Variants in ST8SIA6 observed in about 807,000 individuals in gnomAD.
ST8SIA6 encodes ST8 alpha-N-acetyl-neuraminide alpha-2,8-sialyltransferase 6.
In ST8SIA6, 39 loss-of-function variants were observed where a neutral mutation model predicts 33.6. That is an observed-to-expected ratio of 1.16 (90% CI 0.90 to 1.52). The LOEUF (loss-of-function observed/expected upper bound fraction) is 1.52, where lower values mean the gene tolerates loss of function less well. ST8SIA6 is among the 40% of genes most tolerant of loss of function. ST8SIA6 has a pLI of 0.00. For synonymous variants in ST8SIA6, 172 were observed against 167.2 expected (o/e 1.03, Z -0.22); for missense variants, 441 against 443.8 (o/e 0.99, Z 0.06).
intron 2 of ST8SIA6, 135 bp downstream of exon 2, chr10:17,453,422 AAC>A (rs1852991452): frequency 3.3e-6 from 2 of 604,670 alleles, no homozygotes; most frequent in East Asian, 7.0e-5. Flanking sequence ...GCCCTCTTCA[AAC>A]ACACGCACAC....
At chr10:17,422,130 A>T (rs1851797737) in intron 2 of ST8SIA6, among the ~76,000 whole-genome samples, 3 of 152,216 alleles carry the variant, frequency 2.0e-5, no homozygotes, top group Admixed American at 2.0e-4. Flanking sequence ...TAATCAAGAG[A>T]ACAATCTTTA....
intron 3 of ST8SIA6, among the ~76,000 whole-genome samples, chr10:17,361,027 A>G (rs1311851481): frequency 6.6e-6 from 1 of 152,078 alleles, no homozygotes; most frequent in Non-Finnish European, 1.5e-5. Flanking sequence ...GTCTACATGA[A>G]GCATATTTTG....
chr10:17,325,091 T>G (rs1170992597), intron 6 of ST8SIA6, among the ~76,000 whole-genome samples: 4 of 141,420 alleles, frequency 2.8e-5, no homozygotes, highest in African/African-American at 1.0e-4. Context: ...TATAATACTG[T>G]TATATAATTT....
chr10:17,338,798 T>C (rs1848586106), intron 4 of ST8SIA6, among the ~76,000 whole-genome samples: 1 of 152,324 alleles, frequency 6.6e-6, no homozygotes. Flanking sequence ...GCGTTCTACC[T>C]TCAGCAATTT....
At chr10:17,335,204 C>A (rs1397958024) in intron 4 of ST8SIA6, among the ~76,000 whole-genome samples, 1 of 152,136 alleles carries the variant, frequency 6.6e-6, no homozygotes, top group Non-Finnish European at 1.5e-5. Flanking sequence ...CAACTTATTT[C>A]TCCGTATTAC....
chr10:17,405,055 A>G (rs1851204350), intron 2 of ST8SIA6, among the ~76,000 whole-genome samples: 1 of 152,218 alleles, frequency 6.6e-6, no homozygotes, highest in Admixed American at 6.5e-5. Flanking sequence ...GTTCTGATCT[A>G]TACATGTAAA....
At chr10:17,377,828 A>C (rs28706608) in intron 3 of ST8SIA6, among the ~76,000 whole-genome samples, 27,519 of 152,164 alleles carry the variant, frequency 0.18, 2,637 homozygotes, top group South Asian at 0.22. Flanking sequence ...ATTTCTAAGA[A>C]AACGAAATTA....
chr10:17,378,225 C>T (rs1214923554), intron 3 of ST8SIA6, among the ~76,000 whole-genome samples: 1 of 152,194 alleles, frequency 6.6e-6, no homozygotes, highest in African/African-American at 2.4e-5. Flanking sequence ...TTTGTTGATG[C>T]ACATCAAAGA....
intron 2 of ST8SIA6, among the ~76,000 whole-genome samples, chr10:17,425,697 TAGGA>T (rs1184727026): frequency 9.5e-6 from 1 of 104,792 alleles, no homozygotes; most frequent in Non-Finnish European, 1.9e-5. Flanking sequence ...GAAGGAAAGG[TAGGA>T]AGGAGGAAGG....
chr10:17,375,675 G>T (rs370809976), intron 3 of ST8SIA6, among the ~76,000 whole-genome samples: 1 of 152,194 alleles, frequency 6.6e-6, no homozygotes, highest in African/African-American at 2.4e-5. Context: ...TTGATTCTGA[G>T]CATTTGTATT....
chr10:17,353,534 T>C (rs1849098537), intron 4 of ST8SIA6, among the ~76,000 whole-genome samples: 1 of 152,140 alleles, frequency 6.6e-6, no homozygotes, highest in Non-Finnish European at 1.5e-5. Flanking sequence ...TATCAATTAA[T>C]CTACAAATAC....
At chr10:17,364,464 T>G (rs966622613) in intron 3 of ST8SIA6, among the ~76,000 whole-genome samples, 16 of 152,194 alleles carry the variant, frequency 1.1e-4, no homozygotes, top group Non-Finnish European at 2.1e-4. Flanking sequence ...AGGTACTTAC[T>G]CCCTGAGATT....
intron 2 of ST8SIA6, among the ~76,000 whole-genome samples, chr10:17,441,557 C>T (rs1016770742): frequency 6.6e-6 from 1 of 152,066 alleles, no homozygotes; most frequent in African/African-American, 2.4e-5. Context: ...GATCCACCTG[C>T]CACAGCCTCC....
In ST8SIA6 at chr10:17,318,665, G is replaced by C. The variant is rs1457185246; in HGVS notation, c.*2213C>G. On this transcript the variant is annotated 3_prime_UTR_variant, in exon 8 of 8. Coordinates refer to ENST00000377602, the MANE Select transcript of ST8SIA6 (RefSeq NM_001004470.3). ...ATACAGATTTCTTGGGAGTGTCACA[G>C]TCAGACTTGGTTGTGGCGAATCTAC... is the stretch of plus-strand genomic sequence containing the variant. 2.1e-6 allele frequency: 1 copy of C among 470,874 alleles called. No homozygotes were observed. Among genetic ancestry groups the C allele is most frequent in the Non-Finnish European group, 4.4e-6 (1 of 227,044 alleles). The allele number at this position is 470,874 out of a possible 1,614,324, so 29.2% of individuals were successfully genotyped here. A position where few individuals can be genotyped will look rare whatever the true frequency, so the allele number is the denominator to read the frequency against.
At chr10:17,324,922 A>G (rs1848075539) in intron 6 of ST8SIA6, among the ~76,000 whole-genome samples, 1 of 146,342 alleles carries the variant, frequency 6.8e-6, no homozygotes, top group Non-Finnish European at 1.5e-5. Context: ...TATGTAATAT[A>G]TAATATGCAT....
intron 3 of ST8SIA6, among the ~76,000 whole-genome samples, chr10:17,376,634 G>A (rs1849924612): frequency 6.6e-6 from 1 of 152,098 alleles, no homozygotes. Context: ...GGACAGCTTG[G>A]ATATCCATAG....
At chr10:17,378,820 GA>G in intron 3 of ST8SIA6, among the ~76,000 whole-genome samples, 1 of 152,234 alleles carries the variant, frequency 6.6e-6, no homozygotes, top group South Asian at 2.1e-4. Flanking sequence ...GGGAATTTAA[GA>G]AGGGATTAAA....
chr10:17,408,339 C>T (rs1020525893), intron 2 of ST8SIA6: 1 of 152,366 alleles, frequency 6.6e-6, no homozygotes. Context: ...TTTTTCTCAA[C>T]CAAAAAAAGA....
At chr10:17,412,739 T>A (rs1171367727) in intron 2 of ST8SIA6, among the ~76,000 whole-genome samples, 1 of 152,188 alleles carries the variant, frequency 6.6e-6, no homozygotes, top group Non-Finnish European at 1.5e-5. Context: ...TAATATACAA[T>A]ATGATAGAAG....
Sources: allele counts gnomAD v4.1 joint callset (sites outside exome capture counted in the v4.1 genomes callset), GRCh38; gene constraint gnomAD v4.1.1; transcripts MANE v1.5; gene names NCBI Gene and HGNC (gene_info 2026-07-23, HGNC 2026-07-21).